Variants in ELAPOR2 observed in about 807,000 individuals in gnomAD.
The protein encoded by ELAPOR2 is endosome/lysosome-associated apoptosis and autophagy regulator family member 2.
Under a neutral mutation model 120.7 loss-of-function variants are expected in ELAPOR2, and 89 were observed. The observed-to-expected ratio is 0.74, with a 90% CI of 0.62 to 0.88. The LOEUF is 0.88. ELAPOR2 is among the 40% of genes least tolerant of loss of function. ELAPOR2 has a pLI of 0.00. For synonymous variants in ELAPOR2, 444 were observed against 444.9 expected, an observed-to-expected ratio of 1.00 and a Z score of 0.03; for missense variants, 1,134 against 1,251.6, an observed-to-expected ratio of 0.91 and a Z score of 1.42.
chr7:87,041,705 A>G (rs1235467773), intron 1 of ELAPOR2, among the ~76,000 whole-genome samples: 3 of 152,002 alleles, frequency 2.0e-5, no homozygotes, highest in Non-Finnish European at 4.4e-5. Context: ...TGCATCAACT[A>G]ACGAGCAAAA....
chr7:86,941,489 A>C, intron 5 of ELAPOR2: 1 of 443,894 alleles, frequency 2.3e-6, no homozygotes. Context: ...CTCCAAAGAG[A>C]TATTTTGTGA....
chr7:86,895,868 T>A (rs777718796), intron 19 of ELAPOR2, among the ~76,000 whole-genome samples: 1 of 152,120 alleles, frequency 6.6e-6, no homozygotes, highest in African/African-American at 2.4e-5. Flanking sequence ...AGATAAGCAG[T>A]TTATCAAAAT....
intron 21 of ELAPOR2, among the ~76,000 whole-genome samples, chr7:86,884,335 C>T (rs976261423): frequency 6.6e-6 from 1 of 152,180 alleles, no homozygotes; most frequent in Admixed American, 6.5e-5. Flanking sequence ...GCCCGAAAGA[C>T]TTCCTCATTC....
chr7:86,910,077 C>A, intron 15 of ELAPOR2, 76 bp from the exon 16 acceptor site: 2 of 1,151,716 alleles, frequency 1.7e-6, no homozygotes, highest in Non-Finnish European at 2.4e-6. Flanking sequence ...AGCTAGTGAC[C>A]CTAGAAGAGC....
intron 18 of ELAPOR2, among the ~76,000 whole-genome samples, chr7:86,901,002 G>A (rs573754881): frequency 6.6e-6 from 1 of 152,248 alleles, no homozygotes; most frequent in South Asian, 2.1e-4. Flanking sequence ...TTTAAAGCTG[G>A]AATGCAGAGG....
intron 1 of ELAPOR2, among the ~76,000 whole-genome samples, chr7:86,992,169 T>C (rs1235461932): frequency 1.3e-5 from 2 of 152,218 alleles, no homozygotes; most frequent in African/African-American, 2.4e-5. Context: ...CTAACATCTG[T>C]AATCCCAGCA....
intron 12 of ELAPOR2, among the ~76,000 whole-genome samples, chr7:86,915,427 A>C (rs1439708303): frequency 1.3e-5 from 2 of 151,908 alleles, no homozygotes; most frequent in Non-Finnish European, 2.9e-5. Flanking sequence ...CTTGACTTCC[A>C]AAAGGTTTAA....
intron 1 of ELAPOR2, among the ~76,000 whole-genome samples, chr7:87,038,769 T>G (rs1039358604): frequency 3.3e-5 from 5 of 151,866 alleles, no homozygotes; most frequent in Non-Finnish European, 5.9e-5. Context: ...ATACCAAAAC[T>G]TATGGGATAC....
At chr7:87,054,867 C>T (rs1264382590) in intron 1 of ELAPOR2, among the ~76,000 whole-genome samples, 6 of 152,170 alleles carry the variant, frequency 3.9e-5, no homozygotes, top group Non-Finnish European at 5.9e-5. Context: ...TGGATTTCAT[C>T]GGGCAACTGA....
At chr7:86,950,567 C>T (rs531507189) in intron 2 of ELAPOR2, among the ~76,000 whole-genome samples, 1 of 152,346 alleles carries the variant, frequency 6.6e-6, no homozygotes, top group African/African-American at 2.4e-5. Flanking sequence ...GGTTCAGCTG[C>T]AGCCTCACAG....
At chr7:87,040,390 A>C (rs914666369) in intron 1 of ELAPOR2, among the ~76,000 whole-genome samples, 3 of 152,192 alleles carry the variant, frequency 2.0e-5, no homozygotes, top group Non-Finnish European at 4.4e-5. Context: ...CTTTGAAGAG[A>C]GCAGTGGTTC....
intron 2 of ELAPOR2, among the ~76,000 whole-genome samples, chr7:86,952,952 C>G (rs1791322802): frequency 6.6e-6 from 1 of 151,792 alleles, no homozygotes; most frequent in South Asian, 2.1e-4. Flanking sequence ...AAAAGTTAGC[C>G]AGGCGAGGTG....
chr7:87,052,776 C>CTTTTGTTTTCTTTTG (rs1554411511), intron 1 of ELAPOR2, among the ~76,000 whole-genome samples: 3 of 147,100 alleles, frequency 2.0e-5, no homozygotes, highest in East Asian at 4.0e-4. Flanking sequence ...GGTTTGTTTT[C>CTTTTGTTTTCTTTTG]TTTTGTTTTG....
chr7:86,961,659 T>C (rs567458114), intron 2 of ELAPOR2, among the ~76,000 whole-genome samples: 1 of 152,322 alleles, frequency 6.6e-6, no homozygotes, highest in African/African-American at 2.4e-5. Flanking sequence ...TTAGAAGCCA[T>C]TGTTCTTCAA....
intron 20 of ELAPOR2, 124 bp downstream of exon 20, chr7:86,892,798 T>C: frequency 1.2e-6 from 1 of 832,988 alleles, no homozygotes; most frequent in Non-Finnish European, 1.7e-6. Flanking sequence ...TATGATTTCT[T>C]CGCAAGGAGA....
At chr7:86,916,499 A>C (rs1012158130) in intron 12 of ELAPOR2, among the ~76,000 whole-genome samples, 1 of 152,216 alleles carries the variant, frequency 6.6e-6, no homozygotes, top group African/African-American at 2.4e-5. Flanking sequence ...TTGGAAACAG[A>C]GGCTGGGGAA....
intron 1 of ELAPOR2, among the ~76,000 whole-genome samples, chr7:87,030,735 G>A (rs887685844): frequency 6.6e-6 from 1 of 152,140 alleles, no homozygotes; most frequent in South Asian, 2.1e-4. Flanking sequence ...GTACATGCCA[G>A]CTGTACCAAT....
chr7:86,877,469 T>A lies in ELAPOR2; in HGVS notation c.*3002A>T, dbSNP rs1465768088. On this transcript the variant is annotated 3_prime_UTR_variant, in exon 22 of 22. Transcript: ENST00000450689. ...CTCTGAAGATCAACTCTACATACTC[T>A]TAGTGTACAAAGATAAACGTGAGCA... 6.6e-6 allele frequency: 1 copy of A among 152,322 alleles called. No individual in the cohort carries two copies. Among genetic ancestry groups the A allele is most frequent in the East Asian group, 1.9e-4 (1 of 5,182 alleles). 9.4% of individuals were successfully genotyped at this position (152,322 alleles called of 1,614,324 possible).
intron 4 of ELAPOR2, among the ~76,000 whole-genome samples, chr7:86,943,362 T>C (rs772057632): frequency 2.6e-4 from 40 of 151,992 alleles, no homozygotes; most frequent in Non-Finnish European, 2.9e-4. Flanking sequence ...AAATACTTTG[T>C]TGCTGTCAAT....
Sources: gnomAD v4.1 joint callset for allele counts (sites outside exome capture counted in the v4.1 genomes callset) on GRCh38, gnomAD v4.1.1 for gene constraint, MANE v1.5 for transcripts, NCBI Gene and HGNC (gene_info 2026-07-23, HGNC 2026-07-21) for gene names.